The following PLK4 variants were observed in gnomAD, a reference collection of about 807,000 sequenced individuals.
PLK4 encodes the protein polo like kinase 4, also known as serine/threonine-protein kinase PLK4.
PLK4 carries 51 observed loss-of-function variants against 103.0 expected under a neutral mutation model. That is an observed-to-expected ratio of 0.50 (90% confidence interval 0.40 to 0.63). PLK4 has a LOEUF of 0.63. Among genes scored for constraint, PLK4 ranks in the 20% least tolerant of loss-of-function variants. The pLI is 0.00. For synonymous variants in PLK4, 389 were observed against 376.8 expected (o/e 1.03, Z -0.38); for missense variants, 1,054 against 1,151.0 (o/e 0.92, Z 1.22).
At chr4:127,888,308 T>C (rs1282826942) in intron 6 of PLK4, among the ~76,000 whole-genome samples, 1 of 149,442 alleles carries the variant, frequency 6.7e-6, no homozygotes, top group Non-Finnish European at 1.5e-5. Flanking sequence ...TATTAAGTTC[T>C]CACAAAAAAA....
rs1734893364 is a variant in PLK4, at chr4:127,880,981, A to AGAACTTT, written c.-153_-147dup. 1.2e-5 allele frequency: 9 copies of AGAACTTT among 781,380 alleles called. 1 individual carries two copies. In the South Asian group the frequency reaches 1.5e-4, roughly 13 times the overall value. The allele number at this position is 781,380 out of a possible 1,614,324, so 48.4% of individuals were successfully genotyped here. On this transcript the variant is annotated 5_prime_UTR_variant, in exon 1 of 16. The change creates a premature stop within an existing upstream ORF in the 5' untranslated region. Transcript: ENST00000270861. ...GCCCAGGCCTCGGAAGGTGTCAGGG[A>AGAACTTT]GAACTTTCCGTGGTTTCAGCGTCGT...
Position 127,898,758 on chromosome 4 carries a change from G to T in PLK4, c.*217G>T, listed in dbSNP as rs1735671657. The stretch of plus-strand genomic sequence containing the variant: ...GATATAAAATAGAACACCTGACTTT[G>T]CTCTTAGACCATAACCCCCGAACTT... On this transcript the variant is annotated 3_prime_UTR_variant, in exon 16 of 16. Coordinates refer to ENST00000270861, the MANE Select transcript of PLK4 (RefSeq NM_014264.5). The T allele has an allele frequency of 9.9e-6, 4 of 404,252 alleles. No individual in the cohort carries two copies. Among genetic ancestry groups the T allele is most frequent in the Non-Finnish European group, 1.7e-5 (4 of 228,906 alleles). The allele number at this position is 404,252 out of a possible 1,614,324, so 25.0% of individuals were successfully genotyped here. A position where few individuals can be genotyped will look rare whatever the true frequency, so the allele number is the denominator to read the frequency against.
intron 14 of PLK4, among the ~76,000 whole-genome samples, chr4:127,895,963 T>C (rs950647762): frequency 1.3e-5 from 2 of 152,172 alleles, no homozygotes; most frequent in Non-Finnish European, 2.9e-5. Flanking sequence ...TGAACCTATA[T>C]GTGTATATTA....
At chr4:127,887,283 C>A in intron 5 of PLK4, 113 bp from the exon 6 acceptor site, 1 of 638,844 alleles carries the variant, frequency 1.6e-6, no homozygotes. Context: ...TATAGTTATT[C>A]TAAAATGTTC....
At chr4:127,892,696 C>T (rs1037365824) in intron 10 of PLK4, 182 bp downstream of exon 10, 2 of 489,552 alleles carry the variant, frequency 4.1e-6, no homozygotes, top group Admixed American at 4.0e-5. Context: ...ATCTAGCCTT[C>T]CTTTAAACAA....
chr4:127,891,763 A>G, intron 9 of PLK4, 82 bp downstream of exon 9: 1 of 436,634 alleles, frequency 2.3e-6, no homozygotes, highest in Non-Finnish European at 4.0e-6. Context: ...GATATAATAA[A>G]TTATAAATAG....
At chr4:127,883,574 G>C (rs1368515335) in intron 4 of PLK4, 21 bp downstream of exon 4, 16 of 1,058,062 alleles carry the variant, frequency 1.5e-5, no homozygotes, top group Non-Finnish European at 2.2e-5. Flanking sequence ...GGTTTTTTTT[G>C]TTTGTTTTGT....
chr4:127,882,576 A>G (rs1280186394), intron 2 of PLK4, among the ~76,000 whole-genome samples: 2 of 152,192 alleles, frequency 1.3e-5, no homozygotes, highest in Non-Finnish European at 2.9e-5. Flanking sequence ...CCTGACCAAC[A>G]TGGAGAAACC....
chr4:127,897,054 T>C (rs1735595788), intron 15 of PLK4, 147 bp downstream of exon 15: 2 of 557,854 alleles, frequency 3.6e-6, no homozygotes, highest in Non-Finnish European at 6.4e-6. Flanking sequence ...TTCTTAGCAA[T>C]TCATGTAGTC....
chr4:127,881,225 C>T (rs1734904858), intron 1 of PLK4, 61 bp downstream of exon 1: 9 of 1,611,504 alleles, frequency 5.6e-6, no homozygotes, highest in South Asian at 3.3e-5. Context: ...GGACACGAGA[C>T]CGCTGTGGGA....
chr4:127,881,928 T>C lies in PLK4; in HGVS notation c.126+2T>C. The C allele has an allele frequency of 6.5e-7, 1 of 1,531,204 alleles. No individual in the cohort carries two copies. Among genetic ancestry groups the C allele is most frequent in the Non-Finnish European group, 9.1e-7 (1 of 1,104,390 alleles). 94.9% of individuals were successfully genotyped at this position (1,531,204 alleles called of 1,614,324 possible). On this transcript the variant is annotated splice_donor_variant, in intron 2 of 15. Transcript: ENST00000270861. LOFTEE classifies it high-confidence loss of function. Reference sequence around the variant, plus strand: ...GGTTTGGAAGTTGCAATCAAAATGGTAAGAATAAACTAATCAACTTCTCTC... The same window carrying C: ...GGTTTGGAAGTTGCAATCAAAATGGCAAGAATAAACTAATCAACTTCTCTC...
chr4:127,889,631 TGTCTTA>T (rs754944976), intron 6 of PLK4, among the ~76,000 whole-genome samples: 53 of 152,342 alleles, frequency 3.5e-4, no homozygotes, highest in Non-Finnish European at 6.5e-4. Flanking sequence ...ATATCTTTTG[TGTCTTA>T]GTCTTAGGAA....
rs573785088 is a variant in PLK4 at position 127,881,045 on chromosome 4, C to T, written c.-90C>T. On this transcript the variant is annotated 5_prime_UTR_variant, in exon 1 of 16. Transcript: ENST00000270861. ...GGTTTAGAGAGCCGAGCCTGATGGG[C>T]GCCAAGGCCGGCTGGCTGCTTGGAG... 1.3e-5 allele frequency: 19 copies of T among 1,475,264 alleles called. No homozygotes were observed. The African/African-American group carries it at 1.9e-4, about 15-fold the overall frequency. 91.4% of individuals were successfully genotyped at this position (1,475,264 alleles called of 1,614,324 possible). A position where few individuals can be genotyped will look rare whatever the true frequency, so the allele number is the denominator to read the frequency against.
rs112007381 is a variant in PLK4, at chr4:127,893,052, G to A, written c.2189-233G>A. On this transcript the variant is annotated intron_variant, in intron 10 of 15. Transcript: ENST00000270861. ...TCAATTATGTTTTTGTATGAATATA[G>A]TGATTTTTTAAAATGTAAAAGTATC... is the stretch of plus-strand genomic sequence containing the variant. The A allele has an allele frequency of 2.2e-3, 739 of 329,918 alleles. 9 individuals are homozygous for A. Among genetic ancestry groups the A allele is most frequent in the African/African-American group, 0.015 (688 of 46,524 alleles). 20.4% of individuals were successfully genotyped at this position (329,918 alleles called of 1,614,324 possible).
In PLK4 at chr4:127,889,986, A is replaced by G. The variant is rs1463390947; in HGVS notation, c.1580A>G (p.Asn527Ser). Residue 527 changes from asparagine to serine, a missense_variant, in exon 7 of 16, where the codon AAC becomes AGC. Transcript: ENST00000270861. ...TGGACTGATACAAAAGTCAAAAAGAACTCTGATGCTTCTGATAATGCACAT... is the reference window on the plus strand; with the variant it reads ...TGGACTGATACAAAAGTCAAAAAGAGCTCTGATGCTTCTGATAATGCACAT... ...NAWTDTKVKK[N>S]SDASDNAHSV... 2 of 1,613,980 alleles carry G rather than the reference A, an allele frequency of 1.2e-6. No individual in the cohort carries two copies. Among genetic ancestry groups the G allele is most frequent in the Non-Finnish European group, 1.7e-6 (2 of 1,179,964 alleles).
Position 127,893,466 on chromosome 4 carries a change from A to C in PLK4, c.2323-47A>C, listed in dbSNP as rs759776380. 14 of 1,600,510 alleles carry C rather than the reference A, an allele frequency of 8.7e-6. No individual in the cohort carries two copies. The African/African-American group carries it at 1.6e-4, about 18-fold the overall frequency. ...TTCATACCAATTAATAATGATTGCA[A>C]ATGACATAGGTGAAACAATGACAGA... On this transcript the variant is annotated intron_variant, in intron 11 of 15. Coordinates refer to ENST00000270861, the MANE Select transcript of PLK4 (RefSeq NM_014264.5).
chr4:127,891,583 CTATT>C lies in PLK4; in HGVS notation c.1945_1948del (p.Tyr649IlefsTer47), dbSNP rs1175876861. On this transcript the variant is annotated frameshift_variant, in exon 9 of 16. Transcript: ENST00000270861. LOFTEE classifies it high-confidence loss of function. ...TTTAAAAAAATCTTTTGGCAGATCA[CTATT>C]TATTATCCAAATGGTGGTAGAGGTT... is the stretch of plus-strand genomic sequence containing the variant. 2 of 1,465,576 alleles carry C rather than the reference CTATT, an allele frequency of 1.4e-6. No homozygotes were observed. The highest frequency in any genetic ancestry group is 2.4e-5 in the East Asian group (1 of 41,714). 90.8% of individuals were successfully genotyped at this position (1,465,576 alleles called of 1,614,324 possible).
At position 127,886,309 on chromosome 4, in the gene PLK4, G is replaced by T; in HGVS notation, c.939G>T (p.Leu313Phe). 1 of 1,613,918 alleles carries T rather than the reference G, an allele frequency of 6.2e-7. No homozygotes were observed. Reference protein sequence around the residue: ...SGSLFDKRRLLIGQPLPNKMT... With the variant: ...SGSLFDKRRLFIGQPLPNKMT... ...GTTTATTTGACAAAAGAAGACTTTT[G>T]ATTGGTCAGCCACTCCCAAATAAAA... The change falls in exon 5 of 16, where the codon TTG becomes TTT. Residue 313 changes from leucine to phenylalanine, a missense_variant. Coordinates refer to ENST00000270861, the MANE Select transcript of PLK4 (RefSeq NM_014264.5).
intron 13 of PLK4, among the ~76,000 whole-genome samples, chr4:127,894,267 C>T (rs1735476797): frequency 6.6e-6 from 1 of 151,928 alleles, no homozygotes; most frequent in South Asian, 2.1e-4. Context: ...GACGGAGTCA[C>T]CCAGGCTGGA....
Sources: allele counts gnomAD v4.1 joint callset (sites outside exome capture counted in the v4.1 genomes callset), GRCh38; gene constraint gnomAD v4.1.1; transcripts MANE v1.5; gene names NCBI Gene and HGNC (gene_info 2026-07-23, HGNC 2026-07-21).